GPHN: variants seen among roughly 807,000 people sequenced by gnomAD.
GPHN encodes gephyrin.
In GPHN, 17 loss-of-function variants were observed where a neutral mutation model predicts 95.5. The observed-to-expected ratio is 0.18, with a 90% CI of 0.12 to 0.27. The LOEUF is 0.27. Among genes scored for constraint, GPHN ranks in the 10% least tolerant of loss-of-function variants. GPHN has a pLI of 1.00. For missense variants in GPHN, 660 were observed against 978.1 expected, an observed-to-expected ratio of 0.67 and a Z score of 4.34; for synonymous variants, 320 against 322.5, an observed-to-expected ratio of 0.99 and a Z score of 0.08.
At chr14:67,400,708 C>T in the GPHN span, among the ~76,000 whole-genome samples, 11 of 152,030 alleles carry the variant, frequency 7.2e-5, no homozygotes, top group South Asian at 1.5e-3. Context: ...AATCTTAGGG[C>T]TGAGCTCGGT....
At chr14:67,465,197 G>T in the GPHN span, among the ~76,000 whole-genome samples, 3 of 152,262 alleles carry the variant, frequency 2.0e-5, no homozygotes, top group African/African-American at 4.8e-5. Context: ...AAGGCAGAGC[G>T]AGGGGAAGCT....
At chr14:66,980,212 A>G (rs970750530) in intron 9 of GPHN, among the ~76,000 whole-genome samples, 4 of 152,214 alleles carry the variant, frequency 2.6e-5, no homozygotes, top group Non-Finnish European at 4.4e-5. Flanking sequence ...CGCTTAACAC[A>G]GGGTAGCCAC....
intron 3 of GPHN, among the ~76,000 whole-genome samples, chr14:66,784,798 G>A (rs552849578): frequency 6.6e-6 from 1 of 152,048 alleles, no homozygotes; most frequent in Non-Finnish European, 1.5e-5. Context: ...CAATAAGCAA[G>A]CATATAAAAA....
At chr14:67,333,085 A>G in the GPHN span, 1 of 765,726 alleles carries the variant, frequency 1.3e-6, no homozygotes, top group South Asian at 2.0e-5. Context: ...ATCTGTTCTT[A>G]GATCTCTTGA....
At chr14:67,169,841 C>T (rs2082495310) in intron 21 of GPHN, among the ~76,000 whole-genome samples, 1 of 152,214 alleles carries the variant, frequency 6.6e-6, no homozygotes, top group Admixed American at 6.5e-5. Flanking sequence ...CTTCGGGAGG[C>T]CGAGGCAGGT....
At chr14:66,711,115 G>A (rs2069578741) in intron 2 of GPHN, among the ~76,000 whole-genome samples, 1 of 152,016 alleles carries the variant, frequency 6.6e-6, no homozygotes, top group African/African-American at 2.4e-5. Flanking sequence ...GTTCTTTAGT[G>A]GTGATTTGTG....
At chr14:66,968,168 T>A (rs759734846) in intron 9 of GPHN, among the ~76,000 whole-genome samples, 1 of 151,942 alleles carries the variant, frequency 6.6e-6, no homozygotes, top group Non-Finnish European at 1.5e-5. Context: ...CATAAAAATT[T>A]GGGGCCGAGA....
At chr14:66,774,102 A>G (rs1231128405) in intron 2 of GPHN, among the ~76,000 whole-genome samples, 2 of 139,180 alleles carry the variant, frequency 1.4e-5, no homozygotes, top group African/African-American at 5.5e-5. Context: ...TCCCGGGTTC[A>G]TGCCATTCTC....
chr14:67,297,603 A>G, the GPHN span, among the ~76,000 whole-genome samples: 2 of 152,246 alleles, frequency 1.3e-5, no homozygotes, highest in African/African-American at 2.4e-5. Context: ...AAGTCAGTGG[A>G]AACAGAATAA....
the GPHN span, among the ~76,000 whole-genome samples, chr14:67,506,422 G>A: frequency 6.6e-6 from 1 of 152,154 alleles, no homozygotes. Context: ...ATTCCAATGA[G>A]TCATGTTTCT....
At chr14:67,563,434 TG>T in the GPHN span, among the ~76,000 whole-genome samples, 1 of 146,884 alleles carries the variant, frequency 6.8e-6, no homozygotes, top group South Asian at 2.2e-4. Context: ...TTCTTTTTTT[TG>T]GGGGGTGGGG....
chr14:67,398,451 CACCT>C, the GPHN span, among the ~76,000 whole-genome samples: 1 of 152,184 alleles, frequency 6.6e-6, no homozygotes, highest in African/African-American at 2.4e-5. Context: ...CTCTACCACC[CACCT>C]GAGAGCCACC....
At chr14:66,526,528 T>C (rs1356286793) in intron 1 of GPHN, among the ~76,000 whole-genome samples, 2 of 152,060 alleles carry the variant, frequency 1.3e-5, no homozygotes, top group East Asian at 3.9e-4. Context: ...TGAATAGGAG[T>C]GTGAGAGAGT....
chr14:66,737,365 G>A (rs2072389605), intron 2 of GPHN, among the ~76,000 whole-genome samples: 1 of 152,114 alleles, frequency 6.6e-6, no homozygotes, highest in Non-Finnish European at 1.5e-5. Context: ...CAATTTTGGG[G>A]TGGTGTGGAT....
At chr14:67,338,549 A>T in the GPHN span, 4 of 1,458,818 alleles carry the variant, frequency 2.7e-6, no homozygotes, top group Non-Finnish European at 3.7e-6. Flanking sequence ...TAGCCACACA[A>T]ATCAAACCTA....
At chr14:67,417,634 T>G in the GPHN span, among the ~76,000 whole-genome samples, 6 of 152,312 alleles carry the variant, frequency 3.9e-5, no homozygotes, top group African/African-American at 1.4e-4. Context: ...ATGGCCTATG[T>G]TGCTCAGGCT....
At chr14:66,639,671 T>C (rs2064287337) in intron 1 of GPHN, among the ~76,000 whole-genome samples, 2 of 152,016 alleles carry the variant, frequency 1.3e-5, no homozygotes, top group Non-Finnish European at 2.9e-5. Flanking sequence ...TTTTAAAGTT[T>C]GGCAAATAAA....
the GPHN span, among the ~76,000 whole-genome samples, chr14:67,661,315 A>G: frequency 6.7e-6 from 1 of 148,278 alleles, no homozygotes; most frequent in African/African-American, 2.5e-5. Flanking sequence ...TTTTTTTTAA[A>G]GAAAAGCCAC....
chr14:67,351,662 C>G, the GPHN span, among the ~76,000 whole-genome samples: 59 of 152,096 alleles, frequency 3.9e-4, no homozygotes, highest in African/African-American at 1.4e-3. Flanking sequence ...GTGCATGCCA[C>G]CACACTCTGC....
Sources: allele counts gnomAD v4.1 joint callset (sites outside exome capture counted in the v4.1 genomes callset), GRCh38; gene constraint gnomAD v4.1.1; transcripts MANE v1.5; gene names NCBI Gene and HGNC (gene_info 2026-07-23, HGNC 2026-07-21).